PLEKHA1: variants seen among roughly 807,000 people sequenced by gnomAD.
PLEKHA1 encodes the protein pleckstrin homology domain containing A1.
In PLEKHA1, 34 loss-of-function variants were observed where a neutral mutation model predicts 52.0. The observed-to-expected ratio is 0.65, with a 90% CI of 0.50 to 0.87. The LOEUF is 0.87. Ranked by LOEUF, PLEKHA1 falls within the 40% of genes least tolerant of loss-of-function variation. The pLI is 0.00. For missense variants in PLEKHA1, 497 were observed against 504.2 expected (o/e 0.99, Z 0.14); for synonymous variants, 163 against 170.7 (o/e 0.95, Z 0.35).
chr10:122,394,305 A>G (rs1268348330), intron 2 of PLEKHA1, among the ~76,000 whole-genome samples: 1 of 151,834 alleles, frequency 6.6e-6, no homozygotes, highest in Non-Finnish European at 1.5e-5. Context: ...TGAACTCCTG[A>G]TGTCAGGTGA....
At chr10:122,422,905 G>A (rs1412438108) in intron 8 of PLEKHA1, 2 of 152,014 alleles carry the variant, frequency 1.3e-5, no homozygotes, top group Non-Finnish European at 2.9e-5. Context: ...AGCATTTCAG[G>A]AATCTATATA....
chr10:122,378,964 C>G (rs1400233195), intron 1 of PLEKHA1, among the ~76,000 whole-genome samples: 2 of 151,946 alleles, frequency 1.3e-5, no homozygotes, highest in Non-Finnish European at 2.9e-5. Context: ...ACAAATGTGT[C>G]AAGAAGAGAA....
intron 6 of PLEKHA1, 96 bp from the exon 7 acceptor site, chr10:122,415,762 AT>A (rs72180292): frequency 0.066 from 79,142 of 1,207,858 alleles, 3,069 homozygotes; most frequent in East Asian, 0.15. Flanking sequence ...TTTCTGACTA[AT>A]CTAAGGTGGA....
Position 122,427,019 on chromosome 10 carries a change from A to G in PLEKHA1, c.888A>G (p.Arg296=). 1 of 1,613,638 alleles carries G rather than the reference A, an allele frequency of 6.2e-7. No individual in the cohort carries two copies. Among genetic ancestry groups the G allele is most frequent in the South Asian group, 1.1e-5 (1 of 91,058 alleles). Residue 296 remains arginine (R), a synonymous_variant, in exon 11 of 12, where the codon AGA becomes AGG. Transcript: ENST00000368990. ...GAIVAQRGPG[R]SASSEHPPGP... Reference sequence around the variant, plus strand: ...TTGTAGCACAGCGGGGTCCCGGCAGATCTGCGTCTTCTGTAGGTTTCCTGC... The same window carrying G: ...TTGTAGCACAGCGGGGTCCCGGCAGGTCTGCGTCTTCTGTAGGTTTCCTGC...
chr10:122,431,764 A>G lies in PLEKHA1; in HGVS notation c.*1826A>G, dbSNP rs1356694338. The G allele has an allele frequency of 6.6e-6, 1 of 152,556 alleles. No individual in the cohort carries two copies. The highest frequency in any genetic ancestry group is 1.9e-4 in the East Asian group (1 of 5,196). The allele number at this position is 152,556 out of a possible 1,614,324, so 9.5% of individuals were successfully genotyped here. On this transcript the variant is annotated 3_prime_UTR_variant, in exon 12 of 12. Transcript: ENST00000368990. ...AAGATTTTTTCTCTTTTGCAGCTAC[A>G]TTTGAAAGTGATAGAATAAAGAGAT... is the stretch of plus-strand genomic sequence containing the variant.
Position 122,380,060 on chromosome 10 carries a change from A to C in PLEKHA1, c.-21+5254A>C, listed in dbSNP as rs149288509. Among the ~76,000 whole-genome samples, 84 of 152,342 alleles carry C rather than the reference A, an allele frequency of 5.5e-4. 1 individual carries two copies. Among genetic ancestry groups the C allele is most frequent in the African/African-American group, 2.0e-3 (83 of 41,576 alleles). ...TTTTGCCTCATGTAAGTTTCACTAA[A>C]AATATAAATTTAAGTGGAAATACAG... On this transcript the variant is annotated intron_variant, in intron 1 of 11. Coordinates refer to ENST00000368990, the MANE Select transcript of PLEKHA1 (RefSeq NM_001001974.4).
At chr10:122,409,593 C>T (rs998700667) in intron 5 of PLEKHA1, among the ~76,000 whole-genome samples, 3 of 151,788 alleles carry the variant, frequency 2.0e-5, no homozygotes, top group Non-Finnish European at 2.9e-5. Context: ...AATAAATGTT[C>T]GATTTGAATC....
chr10:122,379,937 A>G (rs1002877507), intron 1 of PLEKHA1, among the ~76,000 whole-genome samples: 2 of 152,160 alleles, frequency 1.3e-5, no homozygotes, highest in African/African-American at 2.4e-5. Flanking sequence ...ATGTTAATTT[A>G]TGACTGATTT....
chr10:122,424,192 T>TTG lies in PLEKHA1; in HGVS notation c.682-6_682-5dup. On this transcript the variant is annotated splice_polypyrimidine_tract_variant and splice_region_variant and intron_variant, in intron 8 of 11. Transcript: ENST00000368990. ...AACTGTTTTTTTTTTTTTTTTTTTT[T>TTG]TGCCAGGAAAAGGAACCTCTTCGTG... 1 of 1,540,308 alleles carries TTG rather than the reference T, an allele frequency of 6.5e-7. No individual in the cohort carries two copies.
intron 7 of PLEKHA1, among the ~76,000 whole-genome samples, chr10:122,417,249 T>TTAAA (rs1159938129): frequency 2.0e-5 from 3 of 152,078 alleles, no homozygotes; most frequent in African/African-American, 4.8e-5. Context: ...AAACTTGATG[T>TTAAA]GGTTTAATAA....
At chr10:122,406,496 C>A in intron 4 of PLEKHA1, 80 bp from the exon 5 acceptor site, 1 of 1,129,210 alleles carries the variant, frequency 8.9e-7, no homozygotes, top group Non-Finnish European at 1.3e-6. Context: ...TTGAACTTAG[C>A]AAGGTTTTTC....
Position 122,424,879 on chromosome 10 carries a change from AT to A in PLEKHA1, c.747-8del, listed in dbSNP as rs202085884. The A allele has an allele frequency of 6.9e-5, 110 of 1,586,378 alleles. No homozygotes were observed. Among genetic ancestry groups the A allele is most frequent in the South Asian group, 3.5e-4 (31 of 87,468 alleles). Reference sequence around the variant, plus strand: ...ACAACTGCTATTTAAGTATAATTGGATTTTTTTTTCATACAGCGACATAATG... The same window carrying A: ...ACAACTGCTATTTAAGTATAATTGGATTTTTTTTCATACAGCGACATAATG... On this transcript the variant is annotated splice_polypyrimidine_tract_variant and intron_variant, in intron 9 of 11. Coordinates refer to ENST00000368990, the MANE Select transcript of PLEKHA1 (RefSeq NM_001001974.4).
chr10:122,380,903 T>A (rs868136303), intron 1 of PLEKHA1, among the ~76,000 whole-genome samples: 2 of 152,160 alleles, frequency 1.3e-5, no homozygotes, highest in South Asian at 2.1e-4. Flanking sequence ...AGTGAGGTAT[T>A]ACATAGTATT....
intron 9 of PLEKHA1, among the ~76,000 whole-genome samples, chr10:122,424,606 C>A (rs2097310982): frequency 6.6e-6 from 1 of 152,114 alleles, no homozygotes; most frequent in African/African-American, 2.4e-5. Flanking sequence ...TTAAAAGATG[C>A]AGTAGAATAG....
rs149768814 is a variant in PLEKHA1, at chr10:122,429,908, C to T, written c.1185C>T (p.Asp395=). The T allele has an allele frequency of 3.0e-5, 48 of 1,613,664 alleles. No individual in the cohort carries two copies. Among genetic ancestry groups the T allele is most frequent in the African/African-American group, 5.3e-5 (4 of 74,872 alleles). Residue 395 remains aspartate (D), a synonymous_variant, in exon 12 of 12, where the codon GAC becomes GAT. Transcript: ENST00000368990. ...QEKDCDLVDL[D]DASLPVSDV is the part of the protein sequence containing the mutation. ...AAGATTGTGACCTAGTAGACTTGGA[C>T]GATGCGAGCCTTCCGGTCAGTGACG...
chr10:122,409,784 C>CT (rs745429398), intron 5 of PLEKHA1, among the ~76,000 whole-genome samples: 14,038 of 143,018 alleles, frequency 0.098, 772 homozygotes, highest in Middle Eastern at 0.18. Context: ...TCTTTTTATC[C>CT]TTTTTTTTTT....
At chr10:122,438,495 G>C in the PLEKHA1 span, 211 of 152,352 alleles carry the variant, frequency 1.4e-3, 1 homozygote, top group African/African-American at 4.4e-3. Context: ...GTGGGTAGAC[G>C]TGGAGGGGTA....
intron 6 of PLEKHA1, 87 bp downstream of exon 6, chr10:122,413,132 C>A: frequency 8.6e-7 from 1 of 1,163,334 alleles, no homozygotes; most frequent in Admixed American, 2.5e-5. Context: ...TGCATCTTTG[C>A]TTAATTGGTA....
intron 4 of PLEKHA1, among the ~76,000 whole-genome samples, chr10:122,402,765 G>A (rs918708699): frequency 7.2e-5 from 11 of 152,290 alleles, no homozygotes; most frequent in Non-Finnish European, 1.0e-4. Context: ...TCCAGAAATA[G>A]AATCAGTGAG....
Sources: gnomAD v4.1 joint callset for allele counts (sites outside exome capture counted in the v4.1 genomes callset) on GRCh38, gnomAD v4.1.1 for gene constraint, MANE v1.5 for transcripts, NCBI Gene and HGNC (gene_info 2026-07-23, HGNC 2026-07-21) for gene names.